TRIM47: variants seen among roughly 807,000 people sequenced by gnomAD.
TRIM47 encodes the protein tripartite motif containing 47.
TRIM47 carries 46 observed loss-of-function variants against 54.4 expected under a neutral mutation model. The observed-to-expected ratio is 0.84, with a 90% CI of 0.67 to 1.08. The LOEUF is 1.08. Among genes scored for constraint, TRIM47 ranks in the 50% least tolerant of loss-of-function variants. The probability of loss-of-function intolerance (pLI) is 0.00; values close to 1 mark genes in which losing one functional copy is unlikely to be tolerated. For synonymous variants in TRIM47, 392 were observed against 410.2 expected (o/e 0.96, Z 0.54); for missense variants, 825 against 910.1 (o/e 0.91, Z 1.20).
Position 75,875,512 on chromosome 17 carries a change from C to A in TRIM47, c.1202-38G>T, listed in dbSNP as rs1165007026. 6.4e-7 allele frequency: 1 copy of A among 1,570,210 alleles called. No individual in the cohort carries two copies. The highest frequency in any genetic ancestry group is 8.8e-7 in the Non-Finnish European group (1 of 1,140,750). ...AGACAGTGGTGAGAACGCCCCCAGA[C>A]TGCCCCCCTCTGAACCTGTGACTAC... On this transcript the variant is annotated intron_variant, in intron 4 of 5. Coordinates refer to ENST00000254816, the MANE Select transcript of TRIM47 (RefSeq NM_033452.3). This position sits in a 1 kb window ranked among gnomAD's most constrained non-coding sequence, Gnocchi z 6.1.
At chr17:75,876,602 G>A (rs2065136759) in intron 2 of TRIM47, 110 bp from the exon 3 acceptor site, 6 of 1,511,868 alleles carry the variant, frequency 4.0e-6, no homozygotes, top group East Asian at 2.4e-5. Context: ...GGGGACAGAG[G>A]GGCCAGACTG....
Position 75,874,799 on chromosome 17 carries a change from T to A in TRIM47, c.1601A>T (p.His534Leu), listed in dbSNP as rs768012367. Residue 534 changes from histidine to leucine, a missense_variant, in exon 6 of 6, where the codon CAT (histidine) becomes CTT (leucine). Physicochemically the swap from His to Leu is moderately conservative, Grantham distance 99. Coordinates refer to ENST00000254816, the MANE Select transcript of TRIM47 (RefSeq NM_033452.3). The surrounding 1 kb of genome is among the most constrained non-coding windows in gnomAD (Gnocchi z 6.2). ...WNGRSFSVWF[H>L]GLEAPLPHPF... ...GTGGGGCAGGGGAGCCTCCAGCCCA[T>A]GAAACCAGACGGAGAAGCTGCGTCC... 12 of 1,613,784 alleles carry A rather than the reference T, an allele frequency of 7.4e-6. No individual in the cohort carries two copies. Among genetic ancestry groups the A allele is most frequent in the Non-Finnish European group, 1.0e-5 (12 of 1,179,992 alleles).
At position 75,876,738 on chromosome 17, in the gene TRIM47, G is replaced by C; in HGVS notation, c.751C>G (p.Arg251Gly). Residue 251 changes from arginine to glycine, a missense_variant, in exon 2 of 6, where the codon CGC (arginine) becomes GGC (glycine). Transcript: ENST00000254816. ...ELGAGIAQSR[R>G]TVALIKSAAV... The stretch of plus-strand genomic sequence containing the variant: ...TTGACCTTGATGAGGGCCACTGTGC[G>C]CCTGGACTGTGCAATGCCAGCACCC... The C allele has an allele frequency of 1.2e-5, 20 of 1,614,184 alleles. No individual in the cohort carries two copies. Among genetic ancestry groups the C allele is most frequent in the Non-Finnish European group, 1.7e-5 (20 of 1,180,026 alleles).
In TRIM47 at chr17:75,878,171, T is replaced by A; in HGVS notation, c.378A>T (p.Pro126=). The A allele has an allele frequency of 8.1e-7, 1 of 1,232,394 alleles. No individual in the cohort carries two copies. The highest frequency in any genetic ancestry group is 1.0e-6 in the Non-Finnish European group (1 of 988,592). 76.3% of individuals were successfully genotyped at this position (1,232,394 alleles called of 1,614,324 possible). A position where few individuals can be genotyped will look rare whatever the true frequency, so the allele number is the denominator to read the frequency against. Residue 126 remains proline, a synonymous_variant, in exon 1 of 6, where the codon CCA becomes CCT. Coordinates refer to ENST00000254816, the MANE Select transcript of TRIM47 (RefSeq NM_033452.3). ...APEPWPAGEE[P]VRCDACPEGA... is the part of the protein sequence containing the mutation. ...CCTCGGGGCACGCGTCGCAGCGCAC[T>A]GGCTCTTCGCCCGCGGGCCACGGCT...
At position 75,875,971 on chromosome 17, in the gene TRIM47, G is replaced by A. The variant is rs1039865400; in HGVS notation, c.1131C>T (p.Cys377=). ...RAVRDMLAVA[C]VNQWEQLRGP... is the part of the protein sequence containing the mutation. ...CCCTCAGCTGCTCCCACTGGTTGAC[G>A]CAGGCCACGGCCAGCATGTCTCTCA... Residue 377 remains cysteine (C), a synonymous_variant, in exon 4 of 6, where the codon TGC becomes TGT. Coordinates refer to ENST00000254816, the MANE Select transcript of TRIM47 (RefSeq NM_033452.3). The surrounding 1 kb of genome is among the most constrained non-coding windows in gnomAD (Gnocchi z 6.1). The A allele has an allele frequency of 1.1e-5, 18 of 1,609,006 alleles. No homozygotes were observed. The highest frequency in any genetic ancestry group is 1.4e-5 in the Non-Finnish European group (17 of 1,180,000).
At chr17:75,877,563 C>A (rs1269949238) in intron 1 of TRIM47, 7 of 769,296 alleles carry the variant, frequency 9.1e-6, no homozygotes, top group Non-Finnish European at 1.0e-5. Context: ...GCAGCAGCCA[C>A]GCTACCGGAA....
chr17:75,874,806 A>G lies in TRIM47; in HGVS notation c.1594T>C (p.Trp532Arg). Residue 532 changes from tryptophan to arginine, a missense_variant, in exon 6 of 6, where the codon TGG becomes CGG. Physicochemically the swap from Trp to Arg is moderately radical, Grantham distance 101 (BLOSUM62 -3). Coordinates refer to ENST00000254816, the MANE Select transcript of TRIM47 (RefSeq NM_033452.3). This position sits in a 1 kb window ranked among gnomAD's most constrained non-coding sequence, Gnocchi z 6.2. ...AGGGGAGCCTCCAGCCCATGAAACC[A>G]GACGGAGAAGCTGCGTCCATTCCAC... ...LQWNGRSFSV[W>R]FHGLEAPLPH... The G allele has an allele frequency of 3.1e-6, 5 of 1,614,048 alleles. No homozygotes were observed. Among genetic ancestry groups the G allele is most frequent in the Non-Finnish European group, 4.2e-6 (5 of 1,180,000 alleles).
Position 75,874,193 on chromosome 17 carries a change from A to G in TRIM47, c.*290T>C. 3.2e-6 allele frequency: 1 copy of G among 313,592 alleles called. No homozygotes were observed. The highest frequency in any genetic ancestry group is 5.8e-6 in the Non-Finnish European group (1 of 171,684). 19.4% of individuals were successfully genotyped at this position (313,592 alleles called of 1,614,324 possible). On this transcript the variant is annotated 3_prime_UTR_variant, in exon 6 of 6. Transcript: ENST00000254816. The surrounding 1 kb of genome is among the most constrained non-coding windows in gnomAD (Gnocchi z 6.2). Reference sequence around the variant, plus strand: ...TTCAACAAGTGTTTATTGAGCATCTACTACATGCCAGACACTATTCTAGAA... The same window carrying G: ...TTCAACAAGTGTTTATTGAGCATCTGCTACATGCCAGACACTATTCTAGAA...
chr17:75,877,661 T>A (rs1378147851), intron 1 of TRIM47: 8 of 1,228,992 alleles, frequency 6.5e-6, no homozygotes, highest in Non-Finnish European at 8.1e-6. Flanking sequence ...TTCGCGTCCT[T>A]GTCCTGTTCT....
intron 2 of TRIM47, 45 bp downstream of exon 2, chr17:75,876,673 T>C: frequency 6.2e-7 from 1 of 1,603,690 alleles, no homozygotes; most frequent in Non-Finnish European, 8.5e-7. Flanking sequence ...ATGGGCATGG[T>C]TTGTTTGGAG....
At position 75,874,774 on chromosome 17, in the gene TRIM47, G is replaced by A. The variant is rs2065122295; in HGVS notation, c.1626C>T (p.His542=). 6.2e-7 allele frequency: 1 copy of A among 1,613,924 alleles called. No homozygotes were observed. The highest frequency in any genetic ancestry group is 1.1e-5 in the South Asian group (1 of 91,088). ...AGACCCCAACCGTGGGCGAGAAGGGGTGGGGCAGGGGAGCCTCCAGCCCAT... is the reference window on the plus strand; with the variant it reads ...AGACCCCAACCGTGGGCGAGAAGGGATGGGGCAGGGGAGCCTCCAGCCCAT... ...WFHGLEAPLP[H]PFSPTVGVCL... is the part of the protein sequence containing the mutation. The change falls in exon 6 of 6, where the codon CAC becomes CAT. Residue 542 remains histidine (H), a synonymous_variant. Transcript: ENST00000254816. This position sits in a 1 kb window ranked among gnomAD's most constrained non-coding sequence, Gnocchi z 6.2.
chr17:75,877,618 A>T (rs1162028102), intron 1 of TRIM47: 2 of 1,182,400 alleles, frequency 1.7e-6, no homozygotes, highest in Non-Finnish European at 2.1e-6. Context: ...ACCCCCATAG[A>T]CCCCGGCCCG....
rs764612981 is a variant in TRIM47, at chr17:75,874,833, G to C, written c.1567C>G (p.Gln523Glu). The change falls in exon 6 of 6, where the codon CAG (glutamine) becomes GAG (glutamate). Residue 523 changes from glutamine (Q) to glutamate (E), a missense_variant. Transcript: ENST00000254816. This position sits in a 1 kb window ranked among gnomAD's most constrained non-coding sequence, Gnocchi z 6.2. ...LGRNAHSCCL[Q>E]WNGRSFSVWF... ...ACGGAGAAGCTGCGTCCATTCCACT[G>C]CAGGCAGCAGGAGTGGGCGTTGCGG... is the stretch of plus-strand genomic sequence containing the variant. 1.2e-6 allele frequency: 2 copies of C among 1,614,172 alleles called. No homozygotes were observed. Among genetic ancestry groups the C allele is most frequent in the Non-Finnish European group, 1.7e-6 (2 of 1,180,028 alleles).
chr17:75,876,574 T>TC, intron 2 of TRIM47, 82 bp from the exon 3 acceptor site: 1 of 1,505,134 alleles, frequency 6.6e-7, no homozygotes, highest in Non-Finnish European at 8.9e-7. Context: ...GACCCCGGCT[T>TC]CCCACCGGCC....
rs369205682 is a variant in TRIM47 at position 75,875,132 on chromosome 17, G to A, written c.1277-9C>T. On this transcript the variant is annotated splice_polypyrimidine_tract_variant and intron_variant, in intron 5 of 5. Transcript: ENST00000254816. This position sits in a 1 kb window ranked among gnomAD's most constrained non-coding sequence, Gnocchi z 6.1. ...ATCCACAATATAGGCAACTGATCCC[G>A]TGGACAGAAGAGAGAGGCAGGGCTC... The A allele has an allele frequency of 4.8e-5, 76 of 1,577,698 alleles. No homozygotes were observed. The highest frequency in any genetic ancestry group is 3.4e-4 in the Middle Eastern group (2 of 5,886).
rs898917302 is a variant in TRIM47, at chr17:75,878,149, C to T, written c.400G>A (p.Glu134Lys). 1.6e-6 allele frequency: 2 copies of T among 1,243,752 alleles called. No homozygotes were observed. Among genetic ancestry groups the T allele is most frequent in the African/African-American group, 3.1e-5 (2 of 63,948 alleles). 77.0% of individuals were successfully genotyped at this position (1,243,752 alleles called of 1,614,324 possible). A position where few individuals can be genotyped will look rare whatever the true frequency, so the allele number is the denominator to read the frequency against. ...EEPVRCDACP[E>K]GAALPAALSC... is the part of the protein sequence containing the mutation. ...AGCGCGGCGGGCAGGGCCGCGCCCTCGGGGCACGCGTCGCAGCGCACTGGC... is the reference window on the plus strand; with the variant it reads ...AGCGCGGCGGGCAGGGCCGCGCCCTTGGGGCACGCGTCGCAGCGCACTGGC... The change falls in exon 1 of 6, where the codon GAG becomes AAG. Residue 134 changes from glutamate to lysine, a missense_variant. By Grantham distance (56) the Glu-to-Lys change is moderately conservative. Coordinates refer to ENST00000254816, the MANE Select transcript of TRIM47 (RefSeq NM_033452.3).
rs1812214295 is a variant in TRIM47, at chr17:75,874,272, T to C, written c.*211A>G. 4.6e-6 allele frequency: 2 copies of C among 432,106 alleles called. No individual in the cohort carries two copies. Among genetic ancestry groups the C allele is most frequent in the African/African-American group, 4.1e-5 (2 of 49,198 alleles). 26.8% of individuals were successfully genotyped at this position (432,106 alleles called of 1,614,324 possible). ...TGGAGCTGTCCCAGCTGTAGCTCTG[T>C]CTCCCAGAAGTGAGGTCTGCAGGGG... On this transcript the variant is annotated 3_prime_UTR_variant, in exon 6 of 6. Transcript: ENST00000254816. This position sits in a 1 kb window ranked among gnomAD's most constrained non-coding sequence, Gnocchi z 6.2.
intron 1 of TRIM47, 191 bp downstream of exon 1, chr17:75,877,683 T>C: frequency 8.1e-7 from 1 of 1,233,856 alleles, no homozygotes; most frequent in Non-Finnish European, 1.0e-6. Context: ...ACGTCCCTCC[T>C]TCCTCCCTTC....
chr17:75,878,151 G>C lies in TRIM47; in HGVS notation c.398C>G (p.Pro133Arg). The change falls in exon 1 of 6, where the codon CCC (proline) becomes CGC (arginine). Residue 133 changes from proline (P) to arginine (R), a missense_variant. Physicochemically the swap from Pro to Arg is moderately radical, Grantham distance 103 (BLOSUM62 -2). Transcript: ENST00000254816. ...GEEPVRCDACPEGAALPAALS... is the reference protein window; with the variant it reads ...GEEPVRCDACREGAALPAALS... ...CGCGGCGGGCAGGGCCGCGCCCTCGGGGCACGCGTCGCAGCGCACTGGCTC... is the reference window on the plus strand; with the variant it reads ...CGCGGCGGGCAGGGCCGCGCCCTCGCGGCACGCGTCGCAGCGCACTGGCTC... The C allele has an allele frequency of 8.0e-7, 1 of 1,243,922 alleles. No individual in the cohort carries two copies. The allele number at this position is 1,243,922 out of a possible 1,614,324, so 77.1% of individuals were successfully genotyped here.
Sources: gnomAD v4.1 joint callset for allele counts on GRCh38, gnomAD v4.1.1 for gene constraint, Gnocchi (gnomAD v3.1) non-coding constraint, MANE v1.5 for transcripts, NCBI Gene and HGNC (gene_info 2026-07-23, HGNC 2026-07-21) for gene names.